Variants in KIF1B observed in about 807,000 individuals in gnomAD.
KIF1B encodes the protein kinesin family member 1B.
KIF1B carries 76 observed loss-of-function variants against 241.9 expected under a neutral mutation model. The ratio of observed to expected loss-of-function variants is 0.31; its 90% CI spans 0.26 to 0.38. The LOEUF (loss-of-function observed/expected upper bound fraction) is 0.38. Among genes scored for constraint, KIF1B ranks in the 10% least tolerant of loss-of-function variants. KIF1B has a pLI of 1.00. For synonymous variants in KIF1B, 750 were observed against 796.7 expected, an observed-to-expected ratio of 0.94 and a Z score of 0.99; for missense variants, 1,622 against 2,271.4, an observed-to-expected ratio of 0.71 and a Z score of 5.81.
chr1:10,292,562 C>T (rs1206191152), intron 17 of KIF1B, among the ~76,000 whole-genome samples: 1 of 152,210 alleles, frequency 6.6e-6, no homozygotes, highest in African/African-American at 2.4e-5. Flanking sequence ...CCATTTGCTT[C>T]TGCAATTTGT....
chr1:10,340,573 G>A (rs141005288), intron 32 of KIF1B, among the ~76,000 whole-genome samples: 10 of 152,272 alleles, frequency 6.6e-5, no homozygotes, highest in East Asian at 1.9e-4. Flanking sequence ...CAGGCTGGGC[G>A]CAGTGGCTCA....
chr1:10,288,685 G>T (rs1649833909), intron 15 of KIF1B, among the ~76,000 whole-genome samples: 1 of 143,518 alleles, frequency 7.0e-6, no homozygotes, highest in South Asian at 2.2e-4. Flanking sequence ...ACCTTTGCTG[G>T]TTGTTGTTGT....
chr1:10,336,641 T>A lies in KIF1B; in HGVS notation c.3044-16T>A, dbSNP rs747804994. 1.2e-6 allele frequency: 2 copies of A among 1,610,498 alleles called. No homozygotes were observed. Among genetic ancestry groups the A allele is most frequent in the East Asian group, 4.5e-5 (2 of 44,870 alleles). The stretch of plus-strand genomic sequence containing the variant: ...TAGTCTCACTCAATTCTTGCTAATT[T>A]TTTTTTCTGCTTTAGCGGATGAAGA... On this transcript the variant is annotated splice_polypyrimidine_tract_variant and intron_variant, in intron 28 of 48. Coordinates refer to ENST00000676179, the MANE Select transcript of KIF1B (RefSeq NM_001365951.3).
At chr1:10,302,546 C>T (rs1650593969) in intron 22 of KIF1B, among the ~76,000 whole-genome samples, 2 of 152,132 alleles carry the variant, frequency 1.3e-5, no homozygotes, top group Non-Finnish European at 2.9e-5. Context: ...ACATTCTCAT[C>T]TTCTAACTTT....
At chr1:10,352,562 T>C (rs1557731671) in intron 37 of KIF1B, 69 bp from the exon 38 acceptor site, 1 of 1,344,210 alleles carries the variant, frequency 7.4e-7, no homozygotes, top group South Asian at 1.2e-5. Context: ...AAGTCTCTTT[T>C]GGGCTTAATG....
chr1:10,363,439 C>G (rs1638479615), intron 41 of KIF1B, 95 bp downstream of exon 41: 2 of 1,100,420 alleles, frequency 1.8e-6, no homozygotes, highest in Non-Finnish European at 2.8e-6. Flanking sequence ...CACCTGTAAT[C>G]CCAGCGCTTT....
chr1:10,366,123 CAGG>C (rs1638565973), intron 43 of KIF1B, among the ~76,000 whole-genome samples: 1 of 151,894 alleles, frequency 6.6e-6, no homozygotes, highest in African/African-American at 2.4e-5. Flanking sequence ...CCCAGCTACT[CAGG>C]AGGCTGAGGC....
intron 36 of KIF1B, 35 bp from the exon 37 acceptor site, chr1:10,348,614 C>T (rs752403129): frequency 6.5e-7 from 1 of 1,533,648 alleles, no homozygotes; most frequent in South Asian, 1.1e-5. Context: ...TAATAGATTG[C>T]TTCAGCTAAA....
chr1:10,313,748 C>T (rs1311203973), intron 22 of KIF1B, among the ~76,000 whole-genome samples: 4 of 150,990 alleles, frequency 2.6e-5, no homozygotes, highest in Non-Finnish European at 5.9e-5. Flanking sequence ...GACGGGGTTT[C>T]ACCGTGTTAG....
rs1421120648 is a variant in KIF1B at position 10,291,176 on chromosome 1, A to G, written c.1514+15A>G. 1 of 1,572,576 alleles carries G rather than the reference A, an allele frequency of 6.4e-7. No individual in the cohort carries two copies. The highest frequency in any genetic ancestry group is 1.3e-5 in the African/African-American group (1 of 74,158). ...AGAATGGAGAGGTCAGGAGGTTAAA[A>G]TCTGGAAATGTTTCTAAGTTTTCTA... is the stretch of plus-strand genomic sequence containing the variant. On this transcript the variant is annotated intron_variant, in intron 16 of 48. Coordinates refer to ENST00000676179, the MANE Select transcript of KIF1B (RefSeq NM_001365951.3).
chr1:10,290,115 G>A (rs947878999), intron 15 of KIF1B, among the ~76,000 whole-genome samples: 4 of 151,506 alleles, frequency 2.6e-5, no homozygotes, highest in Non-Finnish European at 5.9e-5. Context: ...CAGGAAACAT[G>A]TTTTCGTTCT....
At chr1:10,322,918 T>C (rs969366438) in intron 24 of KIF1B, among the ~76,000 whole-genome samples, 1 of 152,230 alleles carries the variant, frequency 6.6e-6, no homozygotes, top group African/African-American at 2.4e-5. Context: ...TAAACACTTT[T>C]ATAAAACCAT....
intron 1 of KIF1B, among the ~76,000 whole-genome samples, chr1:10,225,486 A>C (rs980876930): frequency 6.6e-6 from 1 of 152,184 alleles, no homozygotes; most frequent in African/African-American, 2.4e-5. Context: ...CAAAACAATA[A>C]AAAAAGTAAT....
intron 10 of KIF1B, among the ~76,000 whole-genome samples, chr1:10,275,176 G>A (rs975531392): frequency 6.6e-6 from 1 of 152,146 alleles, no homozygotes; most frequent in Admixed American, 6.5e-5. Context: ...GTTGGGTATG[G>A]TAGCTCATTA....
chr1:10,337,551 T>G lies in KIF1B; in HGVS notation c.3422+18T>G. 6.2e-7 allele frequency: 1 copy of G among 1,614,180 alleles called. No homozygotes were observed. Among genetic ancestry groups the G allele is most frequent in the South Asian group, 1.1e-5 (1 of 91,078 alleles). Reference sequence around the variant, plus strand: ...CAGTTCAAGTAAGCTGCCCCTTTGCTCTGCCTCCCAGCTAGCTGCTAACCG... The same window carrying G: ...CAGTTCAAGTAAGCTGCCCCTTTGCGCTGCCTCCCAGCTAGCTGCTAACCG... On this transcript the variant is annotated intron_variant, in intron 31 of 48. Transcript: ENST00000676179. This position sits in a 1 kb window ranked among gnomAD's most constrained non-coding sequence, Gnocchi z 4.0.
intron 41 of KIF1B, among the ~76,000 whole-genome samples, chr1:10,364,346 A>C (rs917986059): frequency 1.3e-5 from 2 of 151,714 alleles, no homozygotes; most frequent in Admixed American, 1.3e-4. Flanking sequence ...CTGGGTTTGC[A>C]AGCACCCACC....
intron 1 of KIF1B, among the ~76,000 whole-genome samples, chr1:10,214,671 C>T (rs1408512411): frequency 6.6e-6 from 1 of 151,442 alleles, no homozygotes; most frequent in East Asian, 1.9e-4. Flanking sequence ...CAACCTCCAC[C>T]TCCTGGGTTC....
intron 22 of KIF1B, among the ~76,000 whole-genome samples, chr1:10,319,163 G>A (rs781640299): frequency 6.7e-6 from 1 of 149,748 alleles, no homozygotes; most frequent in African/African-American, 2.5e-5. Flanking sequence ...GTGCAGTGGC[G>A]CGATCTCTGT....
chr1:10,343,125 A>T (rs1652460454), intron 33 of KIF1B, 107 bp from the exon 34 acceptor site: 2 of 1,172,338 alleles, frequency 1.7e-6, no homozygotes, highest in Non-Finnish European at 2.5e-6. Flanking sequence ...CCTACTTGTG[A>T]AACCCCTAAA....
Sources: gnomAD v4.1 joint callset for allele counts (sites outside exome capture counted in the v4.1 genomes callset) on GRCh38, gnomAD v4.1.1 for gene constraint, Gnocchi (gnomAD v3.1) non-coding constraint, MANE v1.5 for transcripts, NCBI Gene and HGNC (gene_info 2026-07-23, HGNC 2026-07-21) for gene names.